The following EPG5 variants were observed in gnomAD, a reference collection of about 807,000 sequenced individuals.
EPG5 encodes ectopic P-granules 5 autophagy tethering factor.
Under a neutral mutation model 302.7 loss-of-function variants are expected in EPG5, and 159 were observed. That is an observed-to-expected ratio of 0.53 (90% CI 0.46 to 0.60). The LOEUF is 0.60. Among genes scored for constraint, EPG5 ranks in the 20% least tolerant of loss-of-function variants. The pLI is 0.00. For missense variants in EPG5, 2,896 were observed against 3,092.4 expected, an observed-to-expected ratio of 0.94 and a Z score of 1.51; for synonymous variants, 1,158 against 1,136.8, an observed-to-expected ratio of 1.02 and a Z score of -0.37.
chr18:45,906,464 G>A (rs972490256), intron 24 of EPG5, among the ~76,000 whole-genome samples: 9 of 151,640 alleles, frequency 5.9e-5, no homozygotes, highest in African/African-American at 2.2e-4. Flanking sequence ...GCTATATGTC[G>A]CTGCACATAC....
downstream of EPG5, among the ~76,000 whole-genome samples, chr18:45,844,526 T>C (rs2145095879): frequency 6.6e-6 from 1 of 152,266 alleles, no homozygotes; most frequent in African/African-American, 2.4e-5. Flanking sequence ...AATATATAAA[T>C]ACATATACCC....
chr18:45,925,802 G>A lies in EPG5; in HGVS notation c.2654C>T (p.Thr885Ile). The A allele has an allele frequency of 1.3e-6, 2 of 1,575,764 alleles. No individual in the cohort carries two copies. Among genetic ancestry groups the A allele is most frequent in the Non-Finnish European group, 1.7e-6 (2 of 1,164,590 alleles). The change falls in exon 14 of 44, where the codon ACA (threonine) becomes ATA (isoleucine). Residue 885 changes from threonine (T) to isoleucine (I), a missense_variant. Thr to Ile is a moderately conservative substitution (Grantham distance 89). Coordinates refer to ENST00000282041, the MANE Select transcript of EPG5 (RefSeq NM_020964.3). ...ACAGGCCAGTTTATTCTTCACCACT[G>A]TCAGGTTGTAATTCAATAACCAATC... is the stretch of plus-strand genomic sequence containing the variant. ...IRDWLLNYNL[T>I]VVKNKLACVI...
chr18:45,857,914 T>C lies in EPG5; in HGVS notation c.7381A>G (p.Arg2461Gly), dbSNP rs1173822145. ...QSRQNLVAEE[R>G]LSSGILGAIG... is the part of the protein sequence containing the mutation. ...GCCCCCAGGATCCCAGAGCTGAGTC[T>C]CTCCTCAGCCACGAGGTTCTGCCTG... The change falls in exon 42 of 44, where the codon AGA becomes GGA. Residue 2461 changes from arginine (R) to glycine (G), a missense_variant. This residue lies in a region of EPG5 where 620 missense variants were observed against 704.2 expected (regional missense o/e 0.88). Coordinates refer to ENST00000282041, the MANE Select transcript of EPG5 (RefSeq NM_020964.3). 6.2e-7 allele frequency: 1 copy of C among 1,612,590 alleles called. No homozygotes were observed. Among genetic ancestry groups the C allele is most frequent in the African/African-American group, 1.3e-5 (1 of 74,844 alleles).
the EPG5 span, chr18:45,840,161 G>A: frequency 1.9e-6 from 3 of 1,606,250 alleles, no homozygotes; most frequent in Non-Finnish European, 2.6e-6. Context: ...CGCACAGGCT[G>A]CAGACTGCGG....
In EPG5 at chr18:45,952,412, G is replaced by A. The variant is rs1568184842; in HGVS notation, c.1240C>T (p.Gln414Ter). 1 of 1,613,980 alleles carries A rather than the reference G, an allele frequency of 6.2e-7. No individual in the cohort carries two copies. Among genetic ancestry groups the A allele is most frequent in the Non-Finnish European group, 8.5e-7 (1 of 1,179,996 alleles). ...ATTACTTACATACCTCGGCCTTGCT[G>A]GTGAATTGCTGAAGATCTCAGAACA... ...SAVLRSSAIH[Q>*]QGRASKQTES... Residue 414 changes from glutamine (Q) to a stop codon, truncating the protein, a stop_gained, in exon 3 of 44, where the codon CAG becomes TAG. Coordinates refer to ENST00000282041, the MANE Select transcript of EPG5 (RefSeq NM_020964.3). LOFTEE classifies it high-confidence loss of function.
intron 42 of EPG5, among the ~76,000 whole-genome samples, chr18:45,857,203 G>A (rs777145052): frequency 2.6e-5 from 4 of 152,062 alleles, no homozygotes; most frequent in South Asian, 2.1e-4. Flanking sequence ...TCTGTCTCCC[G>A]GGTTCAAGCG....
At chr18:45,813,100 G>C in the EPG5 span, among the ~76,000 whole-genome samples, 2 of 152,198 alleles carry the variant, frequency 1.3e-5, no homozygotes, top group Admixed American at 1.3e-4. Flanking sequence ...CAAAAAGTGA[G>C]CAAAGGATAT....
At chr18:45,951,048 T>C (rs1248824480) in intron 4 of EPG5, 54 bp downstream of exon 4, 10 of 1,356,552 alleles carry the variant, frequency 7.4e-6, no homozygotes, top group Non-Finnish European at 9.7e-6. Flanking sequence ...AGATAATTCC[T>C]AAATTATGAA....
At chr18:45,889,701 G>A (rs879060490) in intron 28 of EPG5, 97 bp downstream of exon 28, 2 of 1,104,864 alleles carry the variant, frequency 1.8e-6, no homozygotes, top group Admixed American at 5.2e-5. Context: ...AAATTAACCT[G>A]TGGGTGCTGC....
intron 35 of EPG5, among the ~76,000 whole-genome samples, chr18:45,874,754 C>T (rs1009052115): frequency 6.6e-6 from 1 of 152,178 alleles, no homozygotes; most frequent in South Asian, 2.1e-4. Context: ...GGGGACACTG[C>T]CAAACCATAT....
At chr18:45,944,883 A>G (rs2050753015) in intron 7 of EPG5, among the ~76,000 whole-genome samples, 1 of 152,244 alleles carries the variant, frequency 6.6e-6, no homozygotes, top group Admixed American at 6.5e-5. Context: ...ATAGGTGACT[A>G]AAGTTCTGTT....
chr18:45,857,866 G>C lies in EPG5; in HGVS notation c.7429C>G (p.Pro2477Ala), dbSNP rs1330870132. The change falls in exon 42 of 44, where the codon CCT (proline) becomes GCT (alanine). Residue 2477 changes from proline (P) to alanine (A), a missense_variant. Physicochemically the swap from Pro to Ala is conservative, Grantham distance 27. Coordinates refer to ENST00000282041, the MANE Select transcript of EPG5 (RefSeq NM_020964.3). ...LGAIGFGRKS[P>A]LSNRFRVVAR... ...GCGCTTCCTTACCTGTTAGACAAAG[G>C]CGACTTCCGGCCAAACCCAATTGCC... The C allele has an allele frequency of 1.2e-6, 2 of 1,611,964 alleles. No homozygotes were observed. Among genetic ancestry groups the C allele is most frequent in the Admixed American group, 3.3e-5 (2 of 59,988 alleles).
rs201968905 is a variant in EPG5 at position 45,910,689 on chromosome 18, A to T, written c.4037T>A (p.Ile1346Asn). The T allele has an allele frequency of 1.2e-5, 20 of 1,614,068 alleles. No homozygotes were observed. Among genetic ancestry groups the T allele is most frequent in the Non-Finnish European group, 1.7e-5 (20 of 1,180,032 alleles). ...TCTCTTCATTTCTTTCAACAAATTG[A>T]TATGAGCAGGACTTTGAAAAAACCT... ...GRRFFQSPAH[I>N]NLLKEMKRRL... The change falls in exon 23 of 44, where the codon ATC (isoleucine) becomes AAC (asparagine). Residue 1346 changes from isoleucine (I) to asparagine (N), a missense_variant. Transcript: ENST00000282041.
intron 7 of EPG5, 100 bp from the exon 8 acceptor site, chr18:45,944,219 A>G (rs1568177823): frequency 1.4e-6 from 1 of 724,544 alleles, no homozygotes. Context: ...AATGGTATAC[A>G]TGTGATATCC....
chr18:45,874,122 G>A (rs2048923888), intron 35 of EPG5, among the ~76,000 whole-genome samples: 2 of 152,220 alleles, frequency 1.3e-5, no homozygotes, highest in Admixed American at 1.3e-4. Flanking sequence ...CACCGAATGT[G>A]TTTACCAAGA....
rs775746962 is a variant in EPG5, at chr18:45,870,574, A to G, written c.6218T>C (p.Phe2073Ser). Reference sequence around the variant, plus strand: ...CGGGAATGAAGGGCTTACTTTGAAGAAGGCCTCCATGAGCATCTGGTCAGG... The same window carrying G: ...CGGGAATGAAGGGCTTACTTTGAAGGAGGCCTCCATGAGCATCTGGTCAGG... ...LHPDQMLMEAFFKVERGSPKS... is the reference protein window; with the variant it reads ...LHPDQMLMEASFKVERGSPKS... Residue 2073 changes from phenylalanine (F) to serine (S), a missense_variant, in exon 36 of 44, where the codon TTC (phenylalanine) becomes TCC (serine). Coordinates refer to ENST00000282041, the MANE Select transcript of EPG5 (RefSeq NM_020964.3). 2 of 1,612,314 alleles carry G rather than the reference A, an allele frequency of 1.2e-6. No individual in the cohort carries two copies. The highest frequency in any genetic ancestry group is 8.5e-7 in the Non-Finnish European group (1 of 1,178,604).
chr18:45,921,195 C>A (rs1165639624), intron 16 of EPG5, among the ~76,000 whole-genome samples: 9 of 152,220 alleles, frequency 5.9e-5, no homozygotes, highest in Non-Finnish European at 8.8e-5. Context: ...TCAAACAATT[C>A]TTTATCTCTC....
chr18:45,866,691 G>A (rs1268559205), intron 38 of EPG5, 107 bp downstream of exon 38: 3 of 842,302 alleles, frequency 3.6e-6, no homozygotes, highest in East Asian at 2.4e-5. Context: ...CACATCCTCC[G>A]ACTTCCTCTG....
At chr18:45,886,547 C>T (rs779155362) in intron 29 of EPG5, among the ~76,000 whole-genome samples, 7 of 152,136 alleles carry the variant, frequency 4.6e-5, no homozygotes, top group Non-Finnish European at 8.8e-5. Context: ...ATATACAAGA[C>T]AAACTATAAT....
Sources: gnomAD v4.1 joint callset for allele counts (sites outside exome capture counted in the v4.1 genomes callset) on GRCh38, gnomAD v4.1.1 for gene constraint, gnomAD v4.1.1 regional missense constraint, MANE v1.5 for transcripts, NCBI Gene and HGNC (gene_info 2026-07-23, HGNC 2026-07-21) for gene names.